Variants in YAP1 observed in about 807,000 individuals in gnomAD.
YAP1 encodes the protein Yes1 associated transcriptional regulator.
In YAP1, 5 loss-of-function variants were observed where a neutral mutation model predicts 56.9. The ratio of observed to expected loss-of-function variants is 0.09; its 90% confidence interval spans 0.05 to 0.18. The LOEUF (loss-of-function observed/expected upper bound fraction) is 0.18, where lower values mean the gene tolerates loss of function less well. YAP1 is among the 10% of genes least tolerant of loss of function. The pLI, the probability that YAP1 is intolerant of heterozygous loss-of-function variation, is 1.00. For missense variants in YAP1, 539 were observed against 651.8 expected (o/e 0.83, Z 1.88); for synonymous variants, 265 against 248.1 (o/e 1.07, Z -0.64).
chr11:102,220,085 C>A (rs1202111971), intron 6 of YAP1, among the ~76,000 whole-genome samples: 1 of 150,918 alleles, frequency 6.6e-6, no homozygotes, highest in African/African-American at 2.4e-5. Context: ...ATGGACTTCA[C>A]TGGCTGGGCA....
intron 2 of YAP1, among the ~76,000 whole-genome samples, chr11:102,128,324 T>G (rs536613533): frequency 6.6e-6 from 1 of 152,212 alleles, no homozygotes; most frequent in East Asian, 1.9e-4. Context: ...GGGTCTAGTC[T>G]TTCCCGTGCT....
At chr11:102,112,681 G>GTT in intron 1 of YAP1, 5 of 985,296 alleles carry the variant, frequency 5.1e-6, no homozygotes, top group Non-Finnish European at 6.0e-6. Flanking sequence ...AAAAACCCGG[G>GTT]TTAAGGAGGA....
chr11:102,201,597 G>A (rs1312500548), intron 4 of YAP1, among the ~76,000 whole-genome samples: 1 of 152,112 alleles, frequency 6.6e-6, no homozygotes, highest in Non-Finnish European at 1.5e-5. Flanking sequence ...AAAGAAATCT[G>A]AAACTTGAAT....
intron 2 of YAP1, among the ~76,000 whole-genome samples, chr11:102,130,539 A>G (rs1025102922): frequency 6.6e-6 from 1 of 151,758 alleles, no homozygotes; most frequent in Admixed American, 6.6e-5. Context: ...AATAGCTGGG[A>G]CTACAAGAAT....
intron 4 of YAP1, among the ~76,000 whole-genome samples, chr11:102,202,721 T>C (rs1024044938): frequency 6.6e-6 from 1 of 152,172 alleles, no homozygotes; most frequent in Non-Finnish European, 1.5e-5. Context: ...ATAATGGGTT[T>C]AGGTTTAAAA....
At chr11:102,166,390 C>G (rs757588734) in intron 3 of YAP1, among the ~76,000 whole-genome samples, 4 of 152,046 alleles carry the variant, frequency 2.6e-5, no homozygotes, top group Non-Finnish European at 4.4e-5. Context: ...CTTGATATAC[C>G]TCATGTTCAC....
rs1338543387 is a variant in YAP1, at chr11:102,233,068, T to C, written c.*3128T>C. The C allele has an allele frequency of 6.6e-6, 1 of 152,198 alleles. No homozygotes were observed. Among genetic ancestry groups the C allele is most frequent in the Non-Finnish European group, 1.5e-5 (1 of 68,024 alleles). The allele number at this position is 152,198 out of a possible 1,614,324, so 9.4% of individuals were successfully genotyped here. A position where few individuals can be genotyped will look rare whatever the true frequency, so the allele number is the denominator to read the frequency against. ...CAAACATTGCAAAAGTGGGTGGCAA[T>C]ATTCAGTGCTTAACACTTTTCTAGC... On this transcript the variant is annotated 3_prime_UTR_variant, in exon 9 of 9. Coordinates refer to ENST00000282441, the MANE Select transcript of YAP1 (RefSeq NM_001130145.3).
intron 2 of YAP1, among the ~76,000 whole-genome samples, chr11:102,129,708 T>A (rs1944260167): frequency 1.3e-5 from 2 of 151,414 alleles, no homozygotes; most frequent in African/African-American, 4.9e-5. Context: ...GTTGAATTTC[T>A]CCAGGTTCCA....
At chr11:102,165,532 TGA>T (rs1946553986) in intron 3 of YAP1, among the ~76,000 whole-genome samples, 1 of 150,822 alleles carries the variant, frequency 6.6e-6, no homozygotes, top group South Asian at 2.1e-4. Context: ...GGGTTAGGAG[TGA>T]GGGGGAGAAG....
At chr11:102,118,404 T>G (rs904267391) in intron 2 of YAP1, among the ~76,000 whole-genome samples, 1 of 152,048 alleles carries the variant, frequency 6.6e-6, no homozygotes, top group African/African-American at 2.4e-5. Flanking sequence ...ATTCCTATAT[T>G]AATTTGCCTT....
chr11:102,137,821 T>C (rs577603197), intron 2 of YAP1, among the ~76,000 whole-genome samples: 196 of 152,024 alleles, frequency 1.3e-3, no homozygotes, highest in African/African-American at 4.6e-3. Flanking sequence ...CTTCTAAAAG[T>C]GTTTACAACA....
intron 3 of YAP1, among the ~76,000 whole-genome samples, chr11:102,176,550 G>C (rs1469188555): frequency 6.6e-6 from 1 of 151,734 alleles, no homozygotes; most frequent in East Asian, 1.9e-4. Flanking sequence ...TTTGAGACCA[G>C]CCTGGCCAAC....
At chr11:102,156,575 C>G (rs906872089) in intron 2 of YAP1, among the ~76,000 whole-genome samples, 1 of 152,066 alleles carries the variant, frequency 6.6e-6, no homozygotes, top group African/African-American at 2.4e-5. Flanking sequence ...CTAGGTGGAC[C>G]TTATCATTGG....
chr11:102,141,409 G>A (rs1467826170), intron 2 of YAP1, among the ~76,000 whole-genome samples: 1 of 152,186 alleles, frequency 6.6e-6, no homozygotes, highest in Non-Finnish European at 1.5e-5. Flanking sequence ...AGGATTGAGA[G>A]CAATGCAGTC....
chr11:102,161,146 C>A lies in YAP1; in HGVS notation c.573-1310C>A, dbSNP rs918592071. On this transcript the variant is annotated intron_variant, in intron 2 of 8. Transcript: ENST00000282441. Reference sequence around the variant, plus strand: ...TGCCATCTCGGCTCACTGCAAGTTCCGCCTCCCAGGTTCTCGCCATTCTCC... The same window carrying A: ...TGCCATCTCGGCTCACTGCAAGTTCAGCCTCCCAGGTTCTCGCCATTCTCC... Among the ~76,000 whole-genome samples the A allele has an allele frequency of 2.0e-5, 3 of 148,026 alleles. No homozygotes were observed. The East Asian group carries it at 5.9e-4, about 29-fold the overall frequency.
chr11:102,230,139 G>T lies in YAP1; in HGVS notation c.*199G>T. On this transcript the variant is annotated 3_prime_UTR_variant, in exon 9 of 9. Coordinates refer to ENST00000282441, the MANE Select transcript of YAP1 (RefSeq NM_001130145.3). The stretch of plus-strand genomic sequence containing the variant: ...TGTATTGCTGACCTCTTTCACAGTT[G>T]GCTCTAAAGAATCAAAAGAAAAAAA... The T allele has an allele frequency of 2.0e-6, 1 of 493,006 alleles. No individual in the cohort carries two copies. The highest frequency in any genetic ancestry group is 3.6e-6 in the Non-Finnish European group (1 of 280,688). The allele number at this position is 493,006 out of a possible 1,614,324, so 30.5% of individuals were successfully genotyped here.
intron 4 of YAP1, among the ~76,000 whole-genome samples, chr11:102,197,490 G>A (rs2135557220): frequency 6.8e-6 from 1 of 146,426 alleles, no homozygotes; most frequent in East Asian, 2.1e-4. Context: ...AAATTCACAT[G>A]TTTAGAATGA....
rs753678977 is a variant in YAP1, at chr11:102,142,349, T to C, written c.573-20107T>C. Among the ~76,000 whole-genome samples, 8 of 152,340 alleles carry C rather than the reference T, an allele frequency of 5.3e-5. No homozygotes were observed. The South Asian group carries it at 6.2e-4, about 12-fold the overall frequency. ...AATGCAAAGTAATTTTAAGCAATATTTGTCCTGTTTGAGAAAATGCTAACA... is the reference window on the plus strand; with the variant it reads ...AATGCAAAGTAATTTTAAGCAATATCTGTCCTGTTTGAGAAAATGCTAACA... On this transcript the variant is annotated intron_variant, in intron 2 of 8. Transcript: ENST00000282441.
chr11:102,211,819 T>A (rs1013373936), intron 6 of YAP1, among the ~76,000 whole-genome samples: 1 of 152,040 alleles, frequency 6.6e-6, no homozygotes, highest in Non-Finnish European at 1.5e-5. Context: ...TTCTCCTGCC[T>A]CAGCCTCCTG....
Sources: allele counts gnomAD v4.1 joint callset (sites outside exome capture counted in the v4.1 genomes callset), GRCh38; gene constraint gnomAD v4.1.1; transcripts MANE v1.5; gene names NCBI Gene and HGNC (gene_info 2026-07-23, HGNC 2026-07-21).